Variants in CTNNA3 observed in about 807,000 individuals in gnomAD.
CTNNA3 encodes the protein catenin alpha 3, also known as catenin alpha-3.
A neutral mutation model predicts 95.7 loss-of-function variants in CTNNA3; 76 were observed. The observed-to-expected ratio is 0.79, with a 90% CI of 0.66 to 0.96. The LOEUF is 0.96. CTNNA3 is among the 40% of genes least tolerant of loss of function. The pLI is 0.00. For synonymous variants in CTNNA3, 431 were observed against 374.4 expected, an observed-to-expected ratio of 1.15 and a Z score of -1.74; for missense variants, 1,191 against 1,089.8, an observed-to-expected ratio of 1.09 and a Z score of -1.31.
At chr10:66,180,268 T>A (rs143291709) in intron 13 of CTNNA3, among the ~76,000 whole-genome samples, 3 of 152,070 alleles carry the variant, frequency 2.0e-5, no homozygotes, top group Non-Finnish European at 4.4e-5. Flanking sequence ...GTGCTGAACA[T>A]CAGAAATCAA....
intron 13 of CTNNA3, among the ~76,000 whole-genome samples, chr10:66,245,879 T>C (rs1024014735): frequency 2.0e-5 from 3 of 152,190 alleles, no homozygotes; most frequent in Non-Finnish European, 4.4e-5. Flanking sequence ...CTGCAGCTGG[T>C]CATCCCATTG....
intron 7 of CTNNA3, among the ~76,000 whole-genome samples, chr10:66,789,022 C>T (rs1462969739): frequency 6.6e-6 from 1 of 152,104 alleles, no homozygotes; most frequent in South Asian, 2.1e-4. Context: ...GTCTAATAAG[C>T]ACAGTTTTAA....
At chr10:67,440,593 G>GA (rs745390047) in intron 5 of CTNNA3, among the ~76,000 whole-genome samples, 5 of 152,078 alleles carry the variant, frequency 3.3e-5, no homozygotes, top group African/African-American at 4.8e-5. Flanking sequence ...CCACAGGGGG[G>GA]ATTGTGTTAC....
chr10:67,589,120 T>C (rs1253679109), intron 3 of CTNNA3, among the ~76,000 whole-genome samples: 2 of 152,134 alleles, frequency 1.3e-5, no homozygotes, highest in African/African-American at 2.4e-5. Flanking sequence ...ATAATACTTA[T>C]CTGTATTCAT....
At chr10:66,402,730 A>G (rs1235245805) in intron 11 of CTNNA3, among the ~76,000 whole-genome samples, 2 of 152,158 alleles carry the variant, frequency 1.3e-5, no homozygotes, top group Non-Finnish European at 2.9e-5. Flanking sequence ...GCCTAAAACA[A>G]CAGCCAAGGA....
chr10:67,195,324 CTT>C (rs1863302729), intron 6 of CTNNA3, among the ~76,000 whole-genome samples: 1 of 151,940 alleles, frequency 6.6e-6, no homozygotes, highest in East Asian at 1.9e-4. Flanking sequence ...GCAGGGCTCT[CTT>C]ATTCAGTGGA....
rs1016161026 is a variant in CTNNA3, at chr10:67,524,200, G to A, written c.460-2239C>T. Among the ~76,000 whole-genome samples, 50 of 151,982 alleles carry A rather than the reference G, an allele frequency of 3.3e-4. 1 individual carries two copies. The highest frequency in any genetic ancestry group is 1.1e-3 in the African/African-American group (45 of 41,488). ...GGGCGGATCACGAGGTCAGGAGATC[G>A]AGACTATCCTGGCTAACACGGTGAA... is the stretch of plus-strand genomic sequence containing the variant. On this transcript the variant is annotated intron_variant, in intron 4 of 17. Transcript: ENST00000433211.
At chr10:67,494,164 C>A (rs1264174420) in intron 5 of CTNNA3, among the ~76,000 whole-genome samples, 1 of 152,128 alleles carries the variant, frequency 6.6e-6, no homozygotes, top group Non-Finnish European at 1.5e-5. Context: ...TTCATACAAT[C>A]ACTATGGATT....
At position 66,360,659 on chromosome 10, in the gene CTNNA3, C is replaced by CT. The variant is rs1298175611; in HGVS notation, c.1732+18492dup. Among the ~76,000 whole-genome samples, 99 of 30,548 alleles carry CT rather than the reference C, an allele frequency of 3.2e-3. 3 individuals carry two copies. The highest frequency in any genetic ancestry group is 9.8e-3 in the East Asian group (5 of 512). The allele number at this position is 30,548 out of a possible 152,430, so 20.0% of individuals were successfully genotyped here. A position where few individuals can be genotyped will look rare whatever the true frequency, so the allele number is the denominator to read the frequency against. ...TCTTTCTTTCTTTCTTTCTTTCTTT[C>CT]TTCCTTCCTTCCTTCCTTCCTTCCT... On this transcript the variant is annotated intron_variant, in intron 12 of 17. Transcript: ENST00000433211.
intron 12 of CTNNA3, among the ~76,000 whole-genome samples, chr10:66,319,388 C>T (rs1379216657): frequency 6.6e-6 from 1 of 152,028 alleles, no homozygotes; most frequent in Non-Finnish European, 1.5e-5. Flanking sequence ...ACACACCAAG[C>T]CTACTTTTCA....
At chr10:66,341,649 G>T in intron 12 of CTNNA3, among the ~76,000 whole-genome samples, 1 of 151,816 alleles carries the variant, frequency 6.6e-6, no homozygotes, top group Non-Finnish European at 1.5e-5. Flanking sequence ...TTGAGTCACA[G>T]AATAAAATCT....
rs149039592 is a variant in CTNNA3, at chr10:67,152,480, G to T, written c.1047+27837C>A. The stretch of plus-strand genomic sequence containing the variant: ...TCATAATTAGTAATCTATAAATGTG[G>T]ATTTATTTCATAATGCAATTAGATG... On this transcript the variant is annotated intron_variant, in intron 7 of 17. Coordinates refer to ENST00000433211, the MANE Select transcript of CTNNA3 (RefSeq NM_013266.4). Among the ~76,000 whole-genome samples the T allele has an allele frequency of 5.1e-3, 771 of 152,212 alleles. 6 individuals are homozygous for T. The highest frequency in any genetic ancestry group is 0.017 in the African/African-American group (722 of 41,524).
At chr10:67,119,290 A>G (rs1035010924) in intron 7 of CTNNA3, among the ~76,000 whole-genome samples, 1 of 151,990 alleles carries the variant, frequency 6.6e-6, no homozygotes, top group Non-Finnish European at 1.5e-5. Flanking sequence ...CCATGATCAC[A>G]TAAGAATTCA....
At chr10:67,002,385 C>A (rs1174665334) in intron 7 of CTNNA3, among the ~76,000 whole-genome samples, 7 of 152,056 alleles carry the variant, frequency 4.6e-5, no homozygotes, top group Non-Finnish European at 7.4e-5. Context: ...TATTGAAAGG[C>A]TTTCTGTAAA....
chr10:66,185,997 A>G (rs940662997), intron 13 of CTNNA3, among the ~76,000 whole-genome samples: 1 of 151,972 alleles, frequency 6.6e-6, no homozygotes, highest in Admixed American at 6.6e-5. Context: ...ACACACATAT[A>G]AAAATATATA....
intron 14 of CTNNA3, among the ~76,000 whole-genome samples, chr10:66,102,901 C>A (rs1379113299): frequency 6.6e-6 from 1 of 152,102 alleles, no homozygotes; most frequent in Non-Finnish European, 1.5e-5. Context: ...ATTCCCATGA[C>A]TCCTATAAAG....
intron 7 of CTNNA3, among the ~76,000 whole-genome samples, chr10:66,904,236 TGA>T (rs1434499415): frequency 2.0e-5 from 3 of 152,196 alleles, no homozygotes; most frequent in Non-Finnish European, 4.4e-5. Flanking sequence ...ATCTGATCTT[TGA>T]CAAACCTAAC....
intron 7 of CTNNA3, among the ~76,000 whole-genome samples, chr10:66,869,655 T>C (rs1844319071): frequency 1.3e-5 from 2 of 151,888 alleles, no homozygotes; most frequent in Admixed American, 6.6e-5. Context: ...GGAGACAAAC[T>C]GGGGTCAGGT....
chr10:66,283,064 A>C (rs2091522349), intron 12 of CTNNA3, among the ~76,000 whole-genome samples: 2 of 151,854 alleles, frequency 1.3e-5, no homozygotes. Context: ...TTAATGAGTT[A>C]ATCATTACTT....
Sources: allele counts gnomAD v4.1 joint callset (sites outside exome capture counted in the v4.1 genomes callset), GRCh38; gene constraint gnomAD v4.1.1; transcripts MANE v1.5; gene names NCBI Gene and HGNC (gene_info 2026-07-23, HGNC 2026-07-21).